Variants in ZBBX observed in about 807,000 individuals in gnomAD.
ZBBX encodes zinc finger B-box domain-containing protein 1.
Under a neutral mutation model 108.5 loss-of-function variants are expected in ZBBX, and 101 were observed. That is an observed-to-expected ratio of 0.93 (90% CI 0.79 to 1.10). The LOEUF is 1.10. Among genes scored for constraint, ZBBX ranks in the 50% least tolerant of loss-of-function variants. The probability of loss-of-function intolerance (pLI) is 0.00; values close to 1 mark genes in which losing one functional copy is unlikely to be tolerated. For missense variants in ZBBX, 1,009 were observed against 941.4 expected, an observed-to-expected ratio of 1.07 and a Z score of -0.94; for synonymous variants, 356 against 323.4, an observed-to-expected ratio of 1.10 and a Z score of -1.08.
chr3:167,393,813 A>G (rs1748150257), intron 1 of ZBBX, among the ~76,000 whole-genome samples: 1 of 151,896 alleles, frequency 6.6e-6, no homozygotes, highest in Admixed American at 6.6e-5. Flanking sequence ...TAAAAACATG[A>G]TACAAGAGCT....
At chr3:167,333,730 T>C in intron 10 of ZBBX, 97 bp downstream of exon 10, 1 of 1,069,076 alleles carries the variant, frequency 9.4e-7, no homozygotes, top group Non-Finnish European at 1.3e-6. Context: ...TGTGATGAAA[T>C]TATTGGTGAA....
At chr3:167,392,812 C>T (rs1748114974) in intron 1 of ZBBX, 1 of 151,792 alleles carries the variant, frequency 6.6e-6, no homozygotes, top group Non-Finnish European at 1.5e-5. Flanking sequence ...GATGTTAATG[C>T]TATTAACTGA....
intron 6 of ZBBX, among the ~76,000 whole-genome samples, chr3:167,364,332 A>C (rs1356646928): frequency 6.6e-6 from 1 of 152,060 alleles, no homozygotes; most frequent in Non-Finnish European, 1.5e-5. Flanking sequence ...TAGATACTCA[A>C]AACTTTTTTC....
chr3:167,386,284 C>T (rs1307963327), intron 1 of ZBBX, among the ~76,000 whole-genome samples: 1 of 152,044 alleles, frequency 6.6e-6, no homozygotes, highest in Non-Finnish European at 1.5e-5. Flanking sequence ...TACACTCCTG[C>T]ATCTTTAAAA....
At chr3:167,191,091 C>G in the ZBBX span, among the ~76,000 whole-genome samples, 50 of 152,278 alleles carry the variant, frequency 3.3e-4, no homozygotes, top group South Asian at 0.01. Flanking sequence ...AACCAAGTTA[C>G]TAAAGTAGAA....
intron 19 of ZBBX, among the ~76,000 whole-genome samples, chr3:167,283,115 G>A (rs1254240507): frequency 6.6e-6 from 1 of 152,032 alleles, no homozygotes; most frequent in Non-Finnish European, 1.5e-5. Flanking sequence ...CAGAAGCACC[G>A]ATCTAAATTA....
chr3:167,185,563 T>A, the ZBBX span, among the ~76,000 whole-genome samples: 1 of 152,150 alleles, frequency 6.6e-6, no homozygotes, highest in South Asian at 2.1e-4. Flanking sequence ...GTTATATTAT[T>A]TTGCTTGCTG....
intron 18 of ZBBX, among the ~76,000 whole-genome samples, chr3:167,290,969 T>A (rs992118738): frequency 4.6e-5 from 7 of 151,714 alleles, no homozygotes; most frequent in African/African-American, 1.7e-4. Flanking sequence ...AGATTAAAGA[T>A]CAACTCAATG....
chr3:167,389,246 A>G (rs913115207), intron 1 of ZBBX, among the ~76,000 whole-genome samples: 30 of 151,754 alleles, frequency 2.0e-4, no homozygotes, highest in African/African-American at 6.8e-4. Flanking sequence ...TTCTGTTCCT[A>G]TGTTACTTTG....
At chr3:167,285,769 A>G (rs1362864773) in intron 19 of ZBBX, among the ~76,000 whole-genome samples, 1 of 152,078 alleles carries the variant, frequency 6.6e-6, no homozygotes, top group African/African-American at 2.4e-5. Flanking sequence ...TTCAAAAGGG[A>G]ATAAGACATC....
At chr3:167,209,376 G>A in the ZBBX span, among the ~76,000 whole-genome samples, 1 of 152,016 alleles carries the variant, frequency 6.6e-6, no homozygotes, top group African/African-American at 2.4e-5. Flanking sequence ...CTCAATTCCA[G>A]AAAGCTCAGC....
chr3:167,297,321 G>T (rs899373483), intron 18 of ZBBX, among the ~76,000 whole-genome samples: 11 of 151,842 alleles, frequency 7.2e-5, no homozygotes, highest in Admixed American at 7.2e-4. Flanking sequence ...AAATGGTGCT[G>T]GAAAACTTGA....
At chr3:167,356,016 C>T (rs1007782435) in intron 8 of ZBBX, among the ~76,000 whole-genome samples, 2 of 151,948 alleles carry the variant, frequency 1.3e-5, no homozygotes, top group African/African-American at 4.8e-5. Context: ...CCTTTATTTT[C>T]GGGTCAAGCC....
chr3:167,265,930 G>A (rs1239901610), intron 20 of ZBBX, among the ~76,000 whole-genome samples: 4 of 152,332 alleles, frequency 2.6e-5, no homozygotes, highest in Admixed American at 2.6e-4. Flanking sequence ...AGAGAGCACA[G>A]ATTCTCTCTC....
chr3:167,403,781 A>T (rs1339211960), intron 1 of ZBBX, among the ~76,000 whole-genome samples: 1 of 152,072 alleles, frequency 6.6e-6, no homozygotes, highest in East Asian at 1.9e-4. Context: ...AACTACTTAA[A>T]AATAAAATGA....
rs60045904 is a variant in ZBBX at position 167,261,775 on chromosome 3, C to CA, written c.2255-19133dup. Among the ~76,000 whole-genome samples the CA allele has an allele frequency of 1.7e-3, 162 of 96,214 alleles. 1 individual carries two copies. Among genetic ancestry groups the CA allele is most frequent in the Admixed American group, 3.0e-3 (27 of 8,920 alleles). The allele number at this position is 96,214 out of a possible 152,430, so 63.1% of individuals were successfully genotyped here. A position where few individuals can be genotyped will look rare whatever the true frequency, so the allele number is the denominator to read the frequency against. ...TCCCAGGCTACCCGCCTCCCAACTG[C>CA]AAAAAAAAAAAAAAAAAAAAAAAAG... On this transcript the variant is annotated intron_variant, in intron 20 of 21. Transcript: ENST00000675490.
chr3:167,376,529 T>C (rs1378186689), intron 2 of ZBBX, among the ~76,000 whole-genome samples: 3 of 152,208 alleles, frequency 2.0e-5, no homozygotes, highest in African/African-American at 7.2e-5. Context: ...ATAATTTTGC[T>C]TACACATTGA....
At chr3:167,328,154 T>G in intron 10 of ZBBX, 38 bp from the exon 11 acceptor site, 1 of 1,565,234 alleles carries the variant, frequency 6.4e-7, no homozygotes, top group Non-Finnish European at 8.6e-7. Flanking sequence ...TTATTAAATT[T>G]TCTGTATTTA....
At chr3:167,350,641 A>G in intron 8 of ZBBX, 126 bp from the exon 9 acceptor site, 1 of 559,926 alleles carries the variant, frequency 1.8e-6, no homozygotes, top group Non-Finnish European at 2.8e-6. Flanking sequence ...TATCATCAGA[A>G]TTGAGAAGCC....
Sources: gnomAD v4.1 joint callset for allele counts (sites outside exome capture counted in the v4.1 genomes callset) on GRCh38, gnomAD v4.1.1 for gene constraint, MANE v1.5 for transcripts, NCBI Gene and HGNC (gene_info 2026-07-23, HGNC 2026-07-21) for gene names.